Variants in FOXN3 observed in about 807,000 individuals in gnomAD.
The protein encoded by FOXN3 is forkhead box N3.
A neutral mutation model predicts 38.4 loss-of-function variants in FOXN3; 7 were observed. The ratio of observed to expected loss-of-function variants is 0.18; its 90% CI spans 0.10 to 0.34. The LOEUF is 0.34. Among genes scored for constraint, FOXN3 ranks in the 10% least tolerant of loss-of-function variants. The pLI, the probability that FOXN3 is intolerant of heterozygous loss-of-function variation, is 1.00. For missense variants in FOXN3, 456 were observed against 613.4 expected, an observed-to-expected ratio of 0.74 and a Z score of 2.71; for synonymous variants, 230 against 242.2, an observed-to-expected ratio of 0.95 and a Z score of 0.47.
At chr14:89,441,590 CAGAA>C (rs1892384082) in intron 1 of FOXN3, among the ~76,000 whole-genome samples, 1 of 152,166 alleles carries the variant, frequency 6.6e-6, no homozygotes, top group African/African-American at 2.4e-5. Context: ...CTAGCTGGAA[CAGAA>C]AGGGCATCAT....
intron 3 of FOXN3, among the ~76,000 whole-genome samples, chr14:89,326,196 CCTT>C (rs1888078951): frequency 1.3e-5 from 2 of 152,256 alleles, no homozygotes; most frequent in Admixed American, 1.3e-4. Flanking sequence ...AGAGCACACA[CCTT>C]CTTTTATAGG....
intron 3 of FOXN3, chr14:89,291,495 C>A: frequency 1.7e-6 from 1 of 596,124 alleles, no homozygotes; most frequent in Non-Finnish European, 3.3e-6. Context: ...CTCTTGCTTA[C>A]CCCGCCATCC....
intron 1 of FOXN3, among the ~76,000 whole-genome samples, chr14:89,512,052 A>C (rs138982699): frequency 0.013 from 1,912 of 152,256 alleles, 22 homozygotes; most frequent in Middle Eastern, 0.027. Context: ...CCAAACCATA[A>C]GTACAGACCC....
intron 4 of FOXN3, among the ~76,000 whole-genome samples, chr14:89,211,777 C>G (rs1352116100): frequency 6.6e-6 from 1 of 152,156 alleles, no homozygotes; most frequent in African/African-American, 2.4e-5. Context: ...TAAAAGGAAG[C>G]ATTATGATCC....
intron 2 of FOXN3, among the ~76,000 whole-genome samples, chr14:89,368,649 C>T (rs907336141): frequency 2.0e-5 from 3 of 152,102 alleles, no homozygotes; most frequent in Admixed American, 6.6e-5. Flanking sequence ...CTGTTTCAAA[C>T]GCAAACAAAA....
chr14:89,490,671 C>T (rs913459564), intron 1 of FOXN3, among the ~76,000 whole-genome samples: 10 of 152,110 alleles, frequency 6.6e-5, no homozygotes, highest in South Asian at 2.1e-4. Flanking sequence ...TGAGTTTAGC[C>T]GATGACAAAC....
chr14:89,588,701 T>C (rs1341448861), intron 1 of FOXN3, among the ~76,000 whole-genome samples: 4 of 152,276 alleles, frequency 2.6e-5, no homozygotes, highest in Admixed American at 2.6e-4. Flanking sequence ...GGATGGTAGC[T>C]CTCCTATATA....
intron 3 of FOXN3, among the ~76,000 whole-genome samples, chr14:89,318,786 G>A (rs1032718997): frequency 1.3e-5 from 2 of 152,154 alleles, no homozygotes; most frequent in African/African-American, 4.8e-5. Flanking sequence ...ACTCAAATCC[G>A]GGTTCTCCCT....
rs549455829 is a variant in FOXN3 at position 89,317,614 on chromosome 14, G to GA, written c.680+33057dup. 3.2e-4 allele frequency among the ~76,000 whole-genome samples: 49 copies of GA among 152,150 alleles called. 1 individual carries two copies. The highest frequency in any genetic ancestry group is 1.1e-3 in the African/African-American group (46 of 41,508). On this transcript the variant is annotated intron_variant, in intron 3 of 5. Transcript: ENST00000557258. Reference sequence around the variant, plus strand: ...ACGACTGTCTCTTAGAAGCACACCGGATCCTGACACTCCTCTTTCTCTGTG... The same window carrying GA: ...ACGACTGTCTCTTAGAAGCACACCGGAATCCTGACACTCCTCTTTCTCTGTG...
chr14:89,506,324 T>G (rs1234232708), intron 1 of FOXN3, among the ~76,000 whole-genome samples: 8 of 28,284 alleles, frequency 2.8e-4, no homozygotes, highest in Non-Finnish European at 5.5e-4. Flanking sequence ...GGGAGGGAGG[T>G]GGGGGGGTCA....
intron 4 of FOXN3, among the ~76,000 whole-genome samples, chr14:89,191,973 T>TATATATATATATATATATATATATAA (rs1481298307): frequency 3.4e-4 from 46 of 135,168 alleles, no homozygotes; most frequent in African/African-American, 1.4e-3. Context: ...CACATATATA[T>TATATATATATATATATATATATATAA]AACTATAATA....
intron 4 of FOXN3, among the ~76,000 whole-genome samples, chr14:89,225,395 G>T (rs1884604701): frequency 6.6e-6 from 1 of 151,882 alleles, no homozygotes; most frequent in Non-Finnish European, 1.5e-5. Flanking sequence ...ACGAGGTCAG[G>T]AGATCGAGAC....
chr14:89,215,060 C>T (rs1412008234), intron 4 of FOXN3, among the ~76,000 whole-genome samples: 1 of 152,162 alleles, frequency 6.6e-6, no homozygotes, highest in African/African-American at 2.4e-5. Flanking sequence ...CTAAACCAGA[C>T]AAAAACAGGA....
intron 1 of FOXN3, among the ~76,000 whole-genome samples, chr14:89,460,788 T>C (rs924507077): frequency 5.9e-5 from 9 of 152,020 alleles, no homozygotes; most frequent in Admixed American, 2.0e-4. Context: ...CCCAGCACTT[T>C]GGGAGGCCGA....
At chr14:89,391,078 G>A (rs1179784856) in intron 2 of FOXN3, among the ~76,000 whole-genome samples, 1 of 152,182 alleles carries the variant, frequency 6.6e-6, no homozygotes, top group Non-Finnish European at 1.5e-5. Flanking sequence ...CCTTATTTAT[G>A]TGTGGTCTTC....
In FOXN3 at chr14:89,159,580, G is replaced by A. The variant is rs1887051717; in HGVS notation, c.*2834C>T. 6.6e-6 allele frequency: 1 copy of A among 152,462 alleles called. No homozygotes were observed. The highest frequency in any genetic ancestry group is 1.5e-5 in the Non-Finnish European group (1 of 68,042). 9.4% of individuals were successfully genotyped at this position (152,462 alleles called of 1,614,324 possible). The stretch of plus-strand genomic sequence containing the variant: ...CTCTGCCCCTTTAGAAAAATGAAAT[G>A]AGGGGAGACAGCCCACGGTGGGGGT... On this transcript the variant is annotated 3_prime_UTR_variant, in exon 6 of 6. Transcript: ENST00000557258.
intron 1 of FOXN3, among the ~76,000 whole-genome samples, chr14:89,515,133 G>A (rs1894176407): frequency 6.6e-6 from 1 of 151,706 alleles, no homozygotes; most frequent in African/African-American, 2.4e-5. Context: ...ATGTTAGCCA[G>A]GCTGGTTTCA....
chr14:89,403,569 C>G (rs550592218), intron 2 of FOXN3, among the ~76,000 whole-genome samples: 1 of 152,252 alleles, frequency 6.6e-6, no homozygotes, highest in Non-Finnish European at 1.5e-5. Context: ...GAGAATTATC[C>G]TGCAGCCAAA....
At chr14:89,432,366 C>G (rs1892177127) in intron 1 of FOXN3, among the ~76,000 whole-genome samples, 2 of 152,172 alleles carry the variant, frequency 1.3e-5, no homozygotes, top group Admixed American at 6.5e-5. Flanking sequence ...ATTCAAGGCG[C>G]TTGAACAACA....
Sources: gnomAD v4.1 joint callset for allele counts (sites outside exome capture counted in the v4.1 genomes callset) on GRCh38, gnomAD v4.1.1 for gene constraint, MANE v1.5 for transcripts, NCBI Gene and HGNC (gene_info 2026-07-23, HGNC 2026-07-21) for gene names.